Variants in DSCAML1 observed in about 807,000 individuals in gnomAD.
The protein encoded by DSCAML1 is DS cell adhesion molecule like 1.
Under a neutral mutation model 200.5 loss-of-function variants are expected in DSCAML1, and 38 were observed. The ratio of observed to expected loss-of-function variants is 0.19; its 90% confidence interval spans 0.15 to 0.25. The LOEUF (loss-of-function observed/expected upper bound fraction) is 0.25. DSCAML1 is among the 10% of genes least tolerant of loss of function. The pLI is 1.00. For synonymous variants in DSCAML1, 1,215 were observed against 1,165.0 expected (o/e 1.04, Z -0.87); for missense variants, 2,223 against 2,858.8 (o/e 0.78, Z 5.07).
At chr11:117,750,418 G>A (rs2054588355) in intron 3 of DSCAML1, among the ~76,000 whole-genome samples, 1 of 152,214 alleles carries the variant, frequency 6.6e-6, no homozygotes, top group African/African-American at 2.4e-5. Flanking sequence ...GGAAGAACTT[G>A]CAAAGGCTTG....
chr11:117,677,794 G>A (rs1293050105), intron 3 of DSCAML1, among the ~76,000 whole-genome samples: 1 of 152,206 alleles, frequency 6.6e-6, no homozygotes, highest in African/African-American at 2.4e-5. Flanking sequence ...CTGAGGCACA[G>A]ACAGGTGAAG....
intron 3 of DSCAML1, among the ~76,000 whole-genome samples, chr11:117,628,637 T>G (rs1565836554): frequency 6.6e-6 from 1 of 152,208 alleles, no homozygotes; most frequent in African/African-American, 2.4e-5. Context: ...CCATAGCACT[T>G]GTTTATTCTT....
intron 3 of DSCAML1, among the ~76,000 whole-genome samples, chr11:117,543,790 C>G (rs531695504): frequency 5.4e-5 from 7 of 129,976 alleles, no homozygotes; most frequent in Middle Eastern, 3.9e-3. Flanking sequence ...GCACTGCATG[C>G]TTATAGGGCA....
chr11:117,491,503 C>T (rs1047286962), intron 11 of DSCAML1, among the ~76,000 whole-genome samples: 8 of 152,178 alleles, frequency 5.3e-5, no homozygotes, highest in Admixed American at 2.0e-4. Context: ...TGGTGGCTCA[C>T]GCTTGTAATC....
At chr11:117,646,988 G>A (rs1462415473) in intron 3 of DSCAML1, among the ~76,000 whole-genome samples, 1 of 152,190 alleles carries the variant, frequency 6.6e-6, no homozygotes, top group Non-Finnish European at 1.5e-5. Context: ...TAGCATTTCT[G>A]TGGCTGCATA....
intron 3 of DSCAML1, among the ~76,000 whole-genome samples, chr11:117,654,793 G>A (rs2052700912): frequency 1.3e-5 from 2 of 152,234 alleles, no homozygotes; most frequent in Non-Finnish European, 2.9e-5. Flanking sequence ...CCTCCCCATC[G>A]AGAACCATTT....
chr11:117,628,328 G>T (rs2052098567), intron 3 of DSCAML1, among the ~76,000 whole-genome samples: 1 of 152,186 alleles, frequency 6.6e-6, no homozygotes, highest in Non-Finnish European at 1.5e-5. Context: ...TCCCAGGGTG[G>T]GGAGCGGCTG....
intron 3 of DSCAML1, among the ~76,000 whole-genome samples, chr11:117,710,014 T>C (rs1018896006): frequency 6.6e-6 from 1 of 152,206 alleles, no homozygotes; most frequent in Admixed American, 6.5e-5. Context: ...GGGGCAAGGA[T>C]GGCTGTCCCC....
rs1591448294 is a variant in DSCAML1 at position 117,730,197 on chromosome 11, A to G, written c.511+46594T>C. Among the ~76,000 whole-genome samples, 4 of 151,370 alleles carry G rather than the reference A, an allele frequency of 2.6e-5. 1 individual carries two copies. Among genetic ancestry groups the G allele is most frequent in the Admixed American group, 2.6e-4 (4 of 15,182 alleles). ...CTGGCGACAGAGTGAGATTCCATCT[A>G]AAAAAAAAGAGGGAGGCAGTGGAAT... On this transcript the variant is annotated intron_variant, in intron 3 of 32. Transcript: ENST00000651296.
Position 117,430,744 on chromosome 11 carries a change from G to A in DSCAML1, c.5664C>T (p.Pro1888=), listed in dbSNP as rs763427579. The A allele has an allele frequency of 2.5e-6, 4 of 1,613,318 alleles. No homozygotes were observed. Among genetic ancestry groups the A allele is most frequent in the Admixed American group, 1.7e-5 (1 of 60,018 alleles). The change falls in exon 32 of 33, where the codon CCC becomes CCT. Residue 1888 remains proline (P), a synonymous_variant. Transcript: ENST00000651296. ...CACTCTTGTTGGCCCGGTGAGGGAT[G>A]GGCACAGCCACGTTTTTGCCCCGGT... ...DADRGKNVAV[P]IPHRANKSDY...
intron 3 of DSCAML1, among the ~76,000 whole-genome samples, chr11:117,696,468 G>A (rs1333775606): frequency 1.6e-4 from 25 of 152,200 alleles, no homozygotes; most frequent in Admixed American, 1.6e-3. Context: ...GCTCTTTGAA[G>A]ATTATTTACT....
intron 3 of DSCAML1, among the ~76,000 whole-genome samples, chr11:117,644,664 C>A (rs1450244758): frequency 6.6e-6 from 1 of 152,218 alleles, no homozygotes; most frequent in Non-Finnish European, 1.5e-5. Flanking sequence ...GAGGGGGAGC[C>A]GCGGAGTCCG....
rs1013114137 is a variant in DSCAML1 at position 117,720,572 on chromosome 11, C to G, written c.511+56219G>C. On this transcript the variant is annotated intron_variant, in intron 3 of 32. Coordinates refer to ENST00000651296, the MANE Select transcript of DSCAML1 (RefSeq NM_020693.4). The stretch of plus-strand genomic sequence containing the variant: ...GAACCACATCCCTTGCACTTGCAAA[C>G]TCCATGCTTCCTCCTCCTTCTCACT... Among the ~76,000 whole-genome samples, 7 of 152,222 alleles carry G rather than the reference C, an allele frequency of 4.6e-5. No individual in the cohort carries two copies. The East Asian group carries it at 9.6e-4, about 21-fold the overall frequency.
At chr11:117,558,144 G>A (rs181142013) in intron 3 of DSCAML1, among the ~76,000 whole-genome samples, 17 of 152,248 alleles carry the variant, frequency 1.1e-4, no homozygotes, top group African/African-American at 4.1e-4. Flanking sequence ...CCAGGCACAG[G>A]GCAGTGCCGG....
intron 1 of DSCAML1, among the ~76,000 whole-genome samples, chr11:117,810,856 G>A (rs908363349): frequency 2.0e-5 from 3 of 151,968 alleles, no homozygotes; most frequent in African/African-American, 4.8e-5. Context: ...AGTGCAACTC[G>A]TCCCAAATCT....
At chr11:117,548,453 C>G (rs750892988) in intron 3 of DSCAML1, among the ~76,000 whole-genome samples, 1 of 152,218 alleles carries the variant, frequency 6.6e-6, no homozygotes, top group Non-Finnish European at 1.5e-5. Context: ...AGCAAGGCCC[C>G]TCTTAGACCC....
intron 3 of DSCAML1, among the ~76,000 whole-genome samples, chr11:117,628,307 C>A (rs1020163948): frequency 1.3e-5 from 2 of 152,170 alleles, no homozygotes; most frequent in African/African-American, 4.8e-5. Context: ...AGCCTCTGTT[C>A]AGGAAGCGCT....
intron 3 of DSCAML1, among the ~76,000 whole-genome samples, chr11:117,575,242 G>A (rs1209640277): frequency 1.3e-5 from 2 of 152,190 alleles, no homozygotes; most frequent in Admixed American, 6.5e-5. Context: ...AAGACGCTCT[G>A]GGACCACATC....
At chr11:117,816,022 A>G (rs773216645) in intron 1 of DSCAML1, among the ~76,000 whole-genome samples, 1 of 151,976 alleles carries the variant, frequency 6.6e-6, no homozygotes, top group East Asian at 2.0e-4. Context: ...CCCTCCCCCA[A>G]TCTCCCAATG....
Sources: gnomAD v4.1 joint callset for allele counts (sites outside exome capture counted in the v4.1 genomes callset) on GRCh38, gnomAD v4.1.1 for gene constraint, MANE v1.5 for transcripts, NCBI Gene and HGNC (gene_info 2026-07-23, HGNC 2026-07-21) for gene names.